GLB1L3: variants seen among roughly 807,000 people sequenced by gnomAD.
GLB1L3 encodes the protein galactosidase beta 1 like 3.
Under a neutral mutation model 89.5 loss-of-function variants are expected in GLB1L3, and 89 were observed. That is an observed-to-expected ratio of 0.99 (90% CI 0.84 to 1.19). The LOEUF is 1.19. Ranked by LOEUF, GLB1L3 falls within the 50% of genes most tolerant of loss-of-function variation. The pLI is 0.00. For missense variants in GLB1L3, 812 were observed against 813.3 expected, an observed-to-expected ratio of 1.00 and a Z score of 0.02; for synonymous variants, 314 against 312.3, an observed-to-expected ratio of 1.01 and a Z score of -0.06.
chr11:134,276,446 C>T lies in GLB1L3; in HGVS notation c.-295C>T, dbSNP rs1179126761. The T allele has an allele frequency of 1.2e-5, 4 of 335,946 alleles. No individual in the cohort carries two copies. The highest frequency in any genetic ancestry group is 2.1e-5 in the Non-Finnish European group (4 of 186,316). The allele number at this position is 335,946 out of a possible 1,614,324, so 20.8% of individuals were successfully genotyped here. On this transcript the variant is annotated 5_prime_UTR_variant, in exon 1 of 20. Coordinates refer to ENST00000431683, the MANE Select transcript of GLB1L3 (RefSeq NM_001080407.3). ...AGGTCGGGGCGTTACCCCAAGGGCC[C>T]TCCCGCTTCCCCTCCGAGGGCAGAG... is the stretch of plus-strand genomic sequence containing the variant.
chr11:134,316,256 C>A (rs11826528), intron 18 of GLB1L3, among the ~76,000 whole-genome samples: 5 of 150,894 alleles, frequency 3.3e-5, no homozygotes, highest in African/African-American at 1.2e-4. Flanking sequence ...TATTTATTTT[C>A]ATGACTGAAG....
intron 9 of GLB1L3, among the ~76,000 whole-genome samples, chr11:134,300,752 G>A (rs900568483): frequency 2.6e-5 from 4 of 152,098 alleles, no homozygotes; most frequent in Admixed American, 6.5e-5. Flanking sequence ...CCGTGAACAC[G>A]AGACCCTGGT....
downstream of GLB1L3, among the ~76,000 whole-genome samples, chr11:134,320,546 G>A (rs181890218): frequency 6.6e-6 from 1 of 152,178 alleles, no homozygotes; most frequent in East Asian, 1.9e-4. Context: ...GGTTCAAAGA[G>A]GTATTTGAAA....
intron 12 of GLB1L3, 103 bp from the exon 13 acceptor site, chr11:134,310,961 C>A: frequency 1.3e-6 from 1 of 790,814 alleles, no homozygotes; most frequent in South Asian, 1.6e-5. Flanking sequence ...ACATAGTAAC[C>A]CCCAATATGA....
chr11:134,308,483 C>T (rs866260472), intron 10 of GLB1L3, among the ~76,000 whole-genome samples: 3 of 9,226 alleles, frequency 3.3e-4, no homozygotes, highest in Non-Finnish European at 2.8e-4. Flanking sequence ...AATACCACCA[C>T]CACCATCACC....
chr11:134,292,129 CAGGCCCTGCTGAGAAG>C lies in GLB1L3; in HGVS notation c.731_746del (p.Ala244GlyfsTer7). 1.2e-6 allele frequency: 2 copies of C among 1,612,440 alleles called. No individual in the cohort carries two copies. The highest frequency in any genetic ancestry group is 1.7e-6 in the Non-Finnish European group (2 of 1,178,760). On this transcript the variant is annotated splice_acceptor_variant and coding_sequence_variant, in exon 8 of 20. Transcript: ENST00000431683. LOFTEE classifies it high-confidence loss of function. ...GGTTCATTTTGGTTAATTTTCTCAA[CAGGCCCTGCTGAGAAG>C]AGGGATTGTGGAGCTTCTCTTGACC...
intron 6 of GLB1L3, among the ~76,000 whole-genome samples, chr11:134,286,822 TAATA>T (rs987542359): frequency 2.3e-5 from 3 of 132,900 alleles, no homozygotes; most frequent in Admixed American, 7.2e-5. Flanking sequence ...TGCATTAAAA[TAATA>T]GATAGGTAGG....
intron 18 of GLB1L3, chr11:134,317,130 A>C (rs1225863763): frequency 6.6e-6 from 1 of 152,118 alleles, no homozygotes; most frequent in Non-Finnish European, 1.5e-5. Context: ...GGTACTGTTT[A>C]AGTTCCTTTC....
Position 134,309,868 on chromosome 11 carries a change from A to T in GLB1L3, c.1099+105A>T, listed in dbSNP as rs1446713680. On this transcript the variant is annotated intron_variant, in intron 11 of 19. Coordinates refer to ENST00000431683, the MANE Select transcript of GLB1L3 (RefSeq NM_001080407.3). ...GGCACCACTGGGTTCTTGACCTATA[A>T]TCTATGCTGAGTACTGAAGATTTTC... 5.5e-6 allele frequency: 7 copies of T among 1,265,984 alleles called. No individual in the cohort carries two copies. The Admixed American group carries it at 1.3e-4, about 24-fold the overall frequency. The allele number at this position is 1,265,984 out of a possible 1,614,324, so 78.4% of individuals were successfully genotyped here.
At chr11:134,305,473 A>G (rs893554211) in intron 9 of GLB1L3, among the ~76,000 whole-genome samples, 2 of 152,146 alleles carry the variant, frequency 1.3e-5, no homozygotes, top group African/African-American at 4.8e-5. Flanking sequence ...GATGACTCTT[A>G]GCTTCACAGA....
chr11:134,323,405 A>G (rs1447238196), downstream of GLB1L3, among the ~76,000 whole-genome samples: 1 of 78,634 alleles, frequency 1.3e-5, no homozygotes, highest in Non-Finnish European at 3.7e-5. Flanking sequence ...GTACACACAC[A>G]CACACACACA....
Position 134,293,142 on chromosome 11 carries a change from C to T in GLB1L3, c.812-3C>T, listed in dbSNP as rs1941451522. 1.2e-6 allele frequency: 2 copies of T among 1,612,876 alleles called. No homozygotes were observed. The highest frequency in any genetic ancestry group is 4.5e-5 in the East Asian group (2 of 44,878). On this transcript the variant is annotated splice_polypyrimidine_tract_variant and splice_region_variant and intron_variant, in intron 8 of 19. Coordinates refer to ENST00000431683, the MANE Select transcript of GLB1L3 (RefSeq NM_001080407.3). ...CAGCTGGGTCTCTCTCTTCTTTATGCAGTGTTGGCCGCCATCAATTTGCAA... is the reference window on the plus strand; with the variant it reads ...CAGCTGGGTCTCTCTCTTCTTTATGTAGTGTTGGCCGCCATCAATTTGCAA...
chr11:134,283,396 G>C (rs1430485938), intron 5 of GLB1L3, among the ~76,000 whole-genome samples: 2 of 152,162 alleles, frequency 1.3e-5, no homozygotes, highest in African/African-American at 4.8e-5. Flanking sequence ...AAAAAGAATA[G>C]AGAGTGTTCA....
intron 8 of GLB1L3, 177 bp downstream of exon 8, chr11:134,292,390 C>A: frequency 3.7e-6 from 2 of 539,416 alleles, no homozygotes; most frequent in Admixed American, 3.1e-5. Context: ...AGGCTCAGGG[C>A]CACTCACAGC....
chr11:134,282,760 C>A (rs1940769578), intron 5 of GLB1L3, among the ~76,000 whole-genome samples: 1 of 152,222 alleles, frequency 6.6e-6, no homozygotes, highest in Non-Finnish European at 1.5e-5. Context: ...CCTGGGGAAT[C>A]TGGGGCTCTG....
chr11:134,289,098 A>G (rs1941193138), intron 7 of GLB1L3: 3 of 486,968 alleles, frequency 6.2e-6, no homozygotes, highest in African/African-American at 5.8e-5. Flanking sequence ...AGTCACTAAT[A>G]GTCTACTGTT....
Position 134,279,050 on chromosome 11 carries a change from G to A in GLB1L3, c.362+1138G>A, listed in dbSNP as rs192606491. 1.2e-4 allele frequency among the ~76,000 whole-genome samples: 18 copies of A among 152,214 alleles called. No homozygotes were observed. The East Asian group carries it at 3.5e-3, about 29-fold the overall frequency. Reference sequence around the variant, plus strand: ...ATGTGTTTATGATTATAAGCAAAACGGATTTAAAATTTTATTTTGTTAGTA... The same window carrying A: ...ATGTGTTTATGATTATAAGCAAAACAGATTTAAAATTTTATTTTGTTAGTA... On this transcript the variant is annotated intron_variant, in intron 3 of 19. Coordinates refer to ENST00000431683, the MANE Select transcript of GLB1L3 (RefSeq NM_001080407.3).
chr11:134,308,389 TCACCACCATCACCATCAC>T (rs1942425713), intron 10 of GLB1L3, among the ~76,000 whole-genome samples: 2 of 30,532 alleles, frequency 6.6e-5, no homozygotes, highest in African/African-American at 1.8e-4. Flanking sequence ...ATCACCACCA[TCACCACCATCACCATCAC>T]CACCACCACC....
chr11:134,276,526 G>C lies in GLB1L3; in HGVS notation c.-215G>C, dbSNP rs1029914903. 2.5e-5 allele frequency: 10 copies of C among 394,906 alleles called. No homozygotes were observed. Among genetic ancestry groups the C allele is most frequent in the Non-Finnish European group, 3.5e-5 (8 of 227,854 alleles). The allele number at this position is 394,906 out of a possible 1,614,324, so 24.5% of individuals were successfully genotyped here. A position where few individuals can be genotyped will look rare whatever the true frequency, so the allele number is the denominator to read the frequency against. On this transcript the variant is annotated 5_prime_UTR_variant, in exon 1 of 20. Coordinates refer to ENST00000431683, the MANE Select transcript of GLB1L3 (RefSeq NM_001080407.3). ...ACACCTGGAGCGCCGGCGGAGCTCG[G>C]CTGTCCCCGCGGGAGGGAGCCCGAC...
Sources: gnomAD v4.1 joint callset for allele counts (sites outside exome capture counted in the v4.1 genomes callset) on GRCh38, gnomAD v4.1.1 for gene constraint, MANE v1.5 for transcripts, NCBI Gene and HGNC (gene_info 2026-07-23, HGNC 2026-07-21) for gene names.